Variants in DSCAM observed in about 807,000 individuals in gnomAD.
DSCAM encodes DS cell adhesion molecule, also known as cell adhesion molecule DSCAM.
A neutral mutation model predicts 217.7 loss-of-function variants in DSCAM; 47 were observed. The observed-to-expected ratio is 0.22, with a 90% confidence interval of 0.17 to 0.28. The LOEUF is 0.28. Ranked by LOEUF, DSCAM falls within the 10% of genes least tolerant of loss-of-function variation. The probability of loss-of-function intolerance (pLI) is 1.00; values close to 1 mark genes in which losing one functional copy is unlikely to be tolerated. For synonymous variants in DSCAM, 1,056 were observed against 1,015.3 expected, an observed-to-expected ratio of 1.04 and a Z score of -0.76; for missense variants, 2,080 against 2,618.3, an observed-to-expected ratio of 0.79 and a Z score of 4.49.
chr21:40,669,308 T>C (rs1568973993), intron 3 of DSCAM, among the ~76,000 whole-genome samples: 2 of 152,124 alleles, frequency 1.3e-5, no homozygotes, highest in Non-Finnish European at 2.9e-5. Context: ...CAGGGAAAGC[T>C]CCTTATATCT....
chr21:40,242,548 C>T (rs1191669833), intron 11 of DSCAM, among the ~76,000 whole-genome samples: 1 of 152,176 alleles, frequency 6.6e-6, no homozygotes, highest in East Asian at 1.9e-4. Context: ...ACTACATGAG[C>T]TTCCAGCAAA....
chr21:40,243,444 A>G (rs1412492418), intron 11 of DSCAM, among the ~76,000 whole-genome samples: 5 of 152,220 alleles, frequency 3.3e-5, no homozygotes, highest in African/African-American at 9.6e-5. Flanking sequence ...GAGCACTTTT[A>G]ACAAGAATAT....
At chr21:40,625,735 G>C (rs1026051135) in intron 3 of DSCAM, among the ~76,000 whole-genome samples, 1 of 152,100 alleles carries the variant, frequency 6.6e-6, no homozygotes, top group Non-Finnish European at 1.5e-5. Context: ...TACTCACTGG[G>C]CAAACATGCT....
intron 16 of DSCAM, among the ~76,000 whole-genome samples, chr21:40,159,289 A>C (rs1445974232): frequency 1.3e-5 from 2 of 152,146 alleles, no homozygotes; most frequent in Non-Finnish European, 2.9e-5. Flanking sequence ...TTACTAACTT[A>C]TGTATCTCAC....
chr21:40,359,988 T>A (rs1471018061), intron 4 of DSCAM, among the ~76,000 whole-genome samples: 1 of 152,166 alleles, frequency 6.6e-6, no homozygotes, highest in Non-Finnish European at 1.5e-5. Flanking sequence ...GAGGTATTTA[T>A]TTTTTTATTT....
intron 3 of DSCAM, among the ~76,000 whole-genome samples, chr21:40,385,539 G>A (rs1420172701): frequency 1.3e-5 from 2 of 152,190 alleles, no homozygotes; most frequent in Non-Finnish European, 2.9e-5. Context: ...CATAAGAGAC[G>A]TACTAATACG....
At position 40,186,920 on chromosome 21, in the gene DSCAM, AAAAG is replaced by A. The variant is rs1264317844; in HGVS notation, c.2779+207_2779+210del. ...CAAGACTGAAGTCTGGGCTGGCTAA[AAAAG>A]AAAGAAGCAGAGCTGAGCCTCAACA... On this transcript the variant is annotated intron_variant, in intron 14 of 32. Transcript: ENST00000400454. Among the ~76,000 whole-genome samples the A allele has an allele frequency of 2.0e-5, 3 of 152,204 alleles. No homozygotes were observed. The East Asian group carries it at 5.8e-4, about 29-fold the overall frequency.
intron 15 of DSCAM, among the ~76,000 whole-genome samples, chr21:40,174,629 T>C (rs957225055): frequency 6.6e-6 from 1 of 151,778 alleles, no homozygotes; most frequent in African/African-American, 2.4e-5. Flanking sequence ...CTTCAATGAA[T>C]GGAGGATGGG....
intron 3 of DSCAM, among the ~76,000 whole-genome samples, chr21:40,483,538 G>C (rs912067469): frequency 6.6e-6 from 1 of 152,110 alleles, no homozygotes; most frequent in African/African-American, 2.4e-5. Context: ...AACAAGCCAT[G>C]ATGTTTTTGC....
At chr21:40,653,748 G>A (rs894302036) in intron 3 of DSCAM, among the ~76,000 whole-genome samples, 1 of 152,184 alleles carries the variant, frequency 6.6e-6, no homozygotes, top group Non-Finnish European at 1.5e-5. Flanking sequence ...TACAAATTAA[G>A]TTGAACTATA....
At chr21:40,368,442 T>C (rs2074857427) in intron 4 of DSCAM, among the ~76,000 whole-genome samples, 1 of 152,218 alleles carries the variant, frequency 6.6e-6, no homozygotes, top group African/African-American at 2.4e-5. Context: ...AAAACTAATT[T>C]AATTCTGACT....
chr21:40,627,571 T>A (rs2089618735), intron 3 of DSCAM, among the ~76,000 whole-genome samples: 2 of 152,210 alleles, frequency 1.3e-5, no homozygotes, highest in Admixed American at 6.5e-5. Flanking sequence ...CATACTTAAG[T>A]CACCTTGAAA....
chr21:40,055,719 G>T lies in DSCAM; in HGVS notation c.5035+6C>A. On this transcript the variant is annotated splice_donor_region_variant and intron_variant, in intron 29 of 32. Coordinates refer to ENST00000400454, the MANE Select transcript of DSCAM (RefSeq NM_001389.5). ...TTTGTGTAAAGTGGCAAATAGGGCA[G>T]CTTACCAATGGTCTCCATCGTGTCT... 1 of 1,607,084 alleles carries T rather than the reference G, an allele frequency of 6.2e-7. No individual in the cohort carries two copies. Among genetic ancestry groups the T allele is most frequent in the Non-Finnish European group, 8.5e-7 (1 of 1,174,052 alleles).
At chr21:40,390,217 T>C (rs982934333) in intron 3 of DSCAM, among the ~76,000 whole-genome samples, 25 of 152,220 alleles carry the variant, frequency 1.6e-4, no homozygotes, top group Admixed American at 1.2e-3. Flanking sequence ...CTGATCTTAG[T>C]ATTCAATCAA....
chr21:40,247,258 A>T (rs1381598038), intron 11 of DSCAM, among the ~76,000 whole-genome samples: 1 of 152,142 alleles, frequency 6.6e-6, no homozygotes, highest in Non-Finnish European at 1.5e-5. Flanking sequence ...TCATGTCCTC[A>T]CATTTCAAAA....
chr21:40,568,784 G>A (rs1212506374), intron 3 of DSCAM, among the ~76,000 whole-genome samples: 3 of 152,168 alleles, frequency 2.0e-5, no homozygotes, highest in African/African-American at 7.2e-5. Context: ...TGTGCAGTGG[G>A]CAGAATGATG....
At chr21:40,105,957 C>G (rs2089814333) in intron 20 of DSCAM, among the ~76,000 whole-genome samples, 1 of 152,180 alleles carries the variant, frequency 6.6e-6, no homozygotes, top group Non-Finnish European at 1.5e-5. Context: ...ATAAAGCCTA[C>G]TTGATCATGG....
At chr21:40,676,972 T>A (rs1428503400) in intron 3 of DSCAM, among the ~76,000 whole-genome samples, 1 of 152,084 alleles carries the variant, frequency 6.6e-6, no homozygotes, top group Non-Finnish European at 1.5e-5. Context: ...CCTCCTCAAT[T>A]TCAAGTTCAT....
intron 9 of DSCAM, among the ~76,000 whole-genome samples, chr21:40,296,422 GC>G (rs1382177413): frequency 6.6e-6 from 1 of 152,162 alleles, no homozygotes; most frequent in East Asian, 1.9e-4. Context: ...GGGAAAACTG[GC>G]CTCGAGGGAG....
Sources: allele counts gnomAD v4.1 joint callset (sites outside exome capture counted in the v4.1 genomes callset), GRCh38; gene constraint gnomAD v4.1.1; transcripts MANE v1.5; gene names NCBI Gene and HGNC (gene_info 2026-07-23, HGNC 2026-07-21).